Variants in MAPKAP1 observed in about 807,000 individuals in gnomAD.
MAPKAP1 encodes the protein MAPK associated protein 1.
In MAPKAP1, 20 loss-of-function variants were observed where a neutral mutation model predicts 65.7. The observed-to-expected ratio is 0.30, with a 90% CI of 0.21 to 0.44. The LOEUF (loss-of-function observed/expected upper bound fraction) is 0.44. MAPKAP1 is among the 20% of genes least tolerant of loss of function. The pLI is 1.00. For synonymous variants in MAPKAP1, 222 were observed against 244.3 expected (o/e 0.91, Z 0.85); for missense variants, 423 against 648.0 (o/e 0.65, Z 3.77).
intron 7 of MAPKAP1, among the ~76,000 whole-genome samples, chr9:125,511,821 C>T (rs933702970): frequency 6.6e-5 from 10 of 152,180 alleles, no homozygotes; most frequent in African/African-American, 2.4e-4. Flanking sequence ...AAGCCGCATA[C>T]CCTCCATTTC....
chr9:125,471,308 G>C (rs923297039), intron 9 of MAPKAP1: 7 of 152,578 alleles, frequency 4.6e-5, no homozygotes, highest in Non-Finnish European at 8.8e-5. Flanking sequence ...CCTTGGCTTC[G>C]GAGCCCTCGG....
At chr9:125,497,032 A>T (rs1202228139) in intron 8 of MAPKAP1, among the ~76,000 whole-genome samples, 1 of 152,140 alleles carries the variant, frequency 6.6e-6, no homozygotes, top group Non-Finnish European at 1.5e-5. Flanking sequence ...AGAGGAGTAA[A>T]GGTAGGAACT....
At chr9:125,607,500 A>C (rs1321058980) in intron 4 of MAPKAP1, among the ~76,000 whole-genome samples, 1 of 152,222 alleles carries the variant, frequency 6.6e-6, no homozygotes, top group Admixed American at 6.5e-5. Context: ...GTTGAAATGG[A>C]AGCTTGCAGA....
intron 9 of MAPKAP1, among the ~76,000 whole-genome samples, chr9:125,477,344 CG>C (rs1268529827): frequency 6.6e-6 from 1 of 152,118 alleles, no homozygotes; most frequent in Non-Finnish European, 1.5e-5. Context: ...CACTTCTCAG[CG>C]TGAGACTGCA....
In MAPKAP1 at chr9:125,547,758, G is replaced by T. The variant is rs552947973; in HGVS notation, c.849-4590C>A. ...GTGGCCATATTCAGGGGCATTATCA[G>T]TGAGTAGCCTGTGGCCCAAGCACCA... On this transcript the variant is annotated intron_variant, in intron 6 of 11. Coordinates refer to ENST00000265960, the MANE Select transcript of MAPKAP1 (RefSeq NM_001006617.3). Among the ~76,000 whole-genome samples, 75 of 152,328 alleles carry T rather than the reference G, an allele frequency of 4.9e-4. 2 individuals are homozygous for T. The South Asian group carries it at 0.016, about 32-fold the overall frequency.
At chr9:125,653,356 C>A (rs753449325) in intron 4 of MAPKAP1, among the ~76,000 whole-genome samples, 1 of 151,974 alleles carries the variant, frequency 6.6e-6, no homozygotes, top group Non-Finnish European at 1.5e-5. Flanking sequence ...TTAAGTTTGA[C>A]GAAAAGTGGA....
At chr9:125,629,091 A>ACACACACACACACC (rs1564591583) in intron 4 of MAPKAP1, among the ~76,000 whole-genome samples, 6 of 143,708 alleles carry the variant, frequency 4.2e-5, no homozygotes, top group African/African-American at 1.5e-4. Context: ...ACACACACAC[A>ACACACACACACACC]CCAGAAAATA....
chr9:125,657,844 AC>A (rs1265064166), intron 3 of MAPKAP1, 45 bp from the exon 4 acceptor site: 2 of 1,587,116 alleles, frequency 1.3e-6, no homozygotes, highest in Non-Finnish European at 1.7e-6. Flanking sequence ...TTACACAGAG[AC>A]AACTTGTCCA....
chr9:125,513,485 A>T (rs1829368824), intron 7 of MAPKAP1, among the ~76,000 whole-genome samples: 1 of 152,216 alleles, frequency 6.6e-6, no homozygotes, highest in Non-Finnish European at 1.5e-5. Flanking sequence ...GAAAGGCTAG[A>T]CTTGAGCAGA....
chr9:125,641,706 G>A (rs527651484), intron 4 of MAPKAP1, among the ~76,000 whole-genome samples: 1 of 150,570 alleles, frequency 6.6e-6, no homozygotes, highest in South Asian at 2.1e-4. Context: ...AGGAGTTCAA[G>A]ACCAGCCTAG....
intron 1 of MAPKAP1, among the ~76,000 whole-genome samples, chr9:125,702,997 T>C (rs1835649461): frequency 6.6e-6 from 1 of 152,212 alleles, no homozygotes; most frequent in African/African-American, 2.4e-5. Context: ...CACTCTAGCC[T>C]GATAGGACGA....
At chr9:125,545,227 G>GA (rs1340966901) in intron 6 of MAPKAP1, among the ~76,000 whole-genome samples, 1 of 152,154 alleles carries the variant, frequency 6.6e-6, no homozygotes, top group East Asian at 1.9e-4. Context: ...AGCAAAATAA[G>GA]AAAAAGCTCT....
At position 125,672,536 on chromosome 9, in the gene MAPKAP1, A is replaced by G; in HGVS notation, c.39T>C (p.His13=). Residue 13 remains histidine, a synonymous_variant, in exon 2 of 12, where the codon CAT becomes CAC. Transcript: ENST00000265960. The part of the protein sequence containing the change: ...FLDNPTIILA[H]IRQSHVTSDD... ...CACTGGTCACATGTGACTGTCGAATATGAGCTAGAATGATAGTTGGATTGT... is the reference window on the plus strand; with the variant it reads ...CACTGGTCACATGTGACTGTCGAATGTGAGCTAGAATGATAGTTGGATTGT... 1.2e-6 allele frequency: 2 copies of G among 1,614,220 alleles called. No individual in the cohort carries two copies. The highest frequency in any genetic ancestry group is 1.7e-6 in the Non-Finnish European group (2 of 1,180,034).
intron 1 of MAPKAP1, among the ~76,000 whole-genome samples, chr9:125,693,785 A>ATATACACATATATACACG (rs1835291644): frequency 6.6e-6 from 1 of 150,728 alleles, no homozygotes; most frequent in African/African-American, 2.4e-5. Context: ...ATATACACGT[A>ATATACACATATATACACG]TATATATACA....
intron 3 of MAPKAP1, among the ~76,000 whole-genome samples, chr9:125,659,186 T>C (rs560672762): frequency 6.6e-6 from 1 of 152,316 alleles, no homozygotes; most frequent in Admixed American, 6.5e-5. Flanking sequence ...AAAGAAATGA[T>C]CCTTTATTAA....
At chr9:125,559,913 T>G in intron 5 of MAPKAP1, 104 bp from the exon 6 acceptor site, 1 of 1,143,576 alleles carries the variant, frequency 8.7e-7, no homozygotes, top group Non-Finnish European at 1.2e-6. Flanking sequence ...CTGCTTTTCT[T>G]TACCCCAAGC....
At position 125,472,823 on chromosome 9, in the gene MAPKAP1, A is replaced by C. The variant is rs530953818; in HGVS notation, c.1208-4714T>G. On this transcript the variant is annotated intron_variant, in intron 9 of 11. Transcript: ENST00000265960. ...AGATGTCAAAAGGACGTGCTCCAAA[A>C]ACTGGTGCCAGTGGCCAACTCTGGT... Among the ~76,000 whole-genome samples the C allele has an allele frequency of 9.8e-5, 15 of 152,358 alleles. No individual in the cohort carries two copies. The South Asian group carries it at 2.3e-3, about 23-fold the overall frequency.
At position 125,542,592 on chromosome 9, in the gene MAPKAP1, C is replaced by CT. The variant is rs199648744; in HGVS notation, c.958+466dup. Among the ~76,000 whole-genome samples the CT allele has an allele frequency of 8.0e-3, 1,191 of 148,636 alleles. 29 individuals are homozygous for CT. In the East Asian group the frequency reaches 0.087, roughly 11 times the overall value. On this transcript the variant is annotated intron_variant, in intron 7 of 11. Coordinates refer to ENST00000265960, the MANE Select transcript of MAPKAP1 (RefSeq NM_001006617.3). ...TCAAGTGATTTGTCTTTTTATTCGT[C>CT]TTTTTTTTTTAAAGGTTGCCCTCAT...
At chr9:125,521,847 C>A in intron 7 of MAPKAP1, 1 of 1,297,024 alleles carries the variant, frequency 7.7e-7, no homozygotes, top group Non-Finnish European at 1.1e-6. Flanking sequence ...GTGGTGACTC[C>A]AACCTGAGTC....
Sources: gnomAD v4.1 joint callset for allele counts (sites outside exome capture counted in the v4.1 genomes callset) on GRCh38, gnomAD v4.1.1 for gene constraint, MANE v1.5 for transcripts, NCBI Gene and HGNC (gene_info 2026-07-23, HGNC 2026-07-21) for gene names.